The following TLR6 variants were observed in gnomAD, a reference collection of about 807,000 sequenced individuals.
TLR6 encodes the protein toll like receptor 6.
A neutral mutation model predicts 16.1 loss-of-function variants in TLR6; 9 were observed. That is an observed-to-expected ratio of 0.56 (90% confidence interval 0.34 to 0.98). The LOEUF (loss-of-function observed/expected upper bound fraction) is 0.98, where lower values mean the gene tolerates loss of function less well. TLR6 is among the 50% of genes least tolerant of loss of function. TLR6 has a pLI of 0.02. For missense variants in TLR6, 786 were observed against 921.0 expected (o/e 0.85, Z 1.90); for synonymous variants, 340 against 338.6 (o/e 1.00, Z -0.04).
At chr4:38,823,011 G>A (rs116376589), downstream of TLR6, among the ~76,000 whole-genome samples, 20 of 152,360 alleles carry the variant, frequency 1.3e-4, no homozygotes, top group African/African-American at 4.8e-4. Flanking sequence ...GCAGGGAAGA[G>A]AGAGAACTTG....
chr4:38,845,475 G>A (rs920075229), intron 1 of TLR6, among the ~76,000 whole-genome samples: 2 of 152,236 alleles, frequency 1.3e-5, no homozygotes, highest in African/African-American at 4.8e-5. Flanking sequence ...ATAATCACAA[G>A]CACCCTTAAA....
upstream of TLR6, among the ~76,000 whole-genome samples, chr4:38,858,904 A>AAAAG (rs139910450): frequency 2.7e-5 from 4 of 148,562 alleles, no homozygotes; most frequent in Admixed American, 2.7e-4. Flanking sequence ...AGAAAGAAAG[A>AAAAG]AAAGAAAGAA....
intron 1 of TLR6, among the ~76,000 whole-genome samples, chr4:38,851,143 C>T (rs1712756491): frequency 6.6e-6 from 1 of 152,140 alleles, no homozygotes; most frequent in Non-Finnish European, 1.5e-5. Flanking sequence ...ATGATTATCT[C>T]AATAGATGCA....
At chr4:38,843,602 G>A (rs1404686076) in intron 1 of TLR6, 5 of 152,200 alleles carry the variant, frequency 3.3e-5, no homozygotes, top group Non-Finnish European at 5.9e-5. Context: ...ATTGGAAATA[G>A]TAAAACAGGC....
chr4:38,853,346 T>C (rs1322110356), intron 1 of TLR6, among the ~76,000 whole-genome samples: 6 of 151,498 alleles, frequency 4.0e-5, no homozygotes, highest in African/African-American at 1.5e-4. Flanking sequence ...AACCTGCATG[T>C]TGTGCACATG....
the TLR6 span, among the ~76,000 whole-genome samples, chr4:38,865,710 GA>G: frequency 1.3e-5 from 2 of 152,200 alleles, no homozygotes; most frequent in Non-Finnish European, 2.9e-5. Flanking sequence ...TTTAGAGGTG[GA>G]AAAACTGAGT....
At chr4:38,830,989 T>C (rs1711544931) in intron 1 of TLR6, among the ~76,000 whole-genome samples, 1 of 147,560 alleles carries the variant, frequency 6.8e-6, no homozygotes, top group African/African-American at 2.5e-5. Flanking sequence ...TTAAAAAAAT[T>C]AGCCATGCAA....
chr4:38,858,790 AGG>A (rs1560274543), upstream of TLR6, among the ~76,000 whole-genome samples: 250 of 46,596 alleles, frequency 5.4e-3, 6 homozygotes, highest in East Asian at 0.075. Flanking sequence ...AGAGAGAGAG[AGG>A]GAGAGAGAGA....
chr4:38,863,944 T>G, the TLR6 span, among the ~76,000 whole-genome samples: 3 of 152,054 alleles, frequency 2.0e-5, no homozygotes, highest in Admixed American at 2.0e-4. Flanking sequence ...CTCCACTACC[T>G]CTATGGCCTC....
At chr4:38,844,841 G>A (rs1712448690) in intron 1 of TLR6, among the ~76,000 whole-genome samples, 1 of 152,102 alleles carries the variant, frequency 6.6e-6, no homozygotes, top group South Asian at 2.1e-4. Flanking sequence ...ATCTCCTGAG[G>A]TAAGGAGTTC....
intron 1 of TLR6, among the ~76,000 whole-genome samples, chr4:38,836,611 C>T (rs1010618487): frequency 6.6e-6 from 1 of 152,148 alleles, no homozygotes; most frequent in Non-Finnish European, 1.5e-5. Flanking sequence ...TTCCTCCTAA[C>T]TCATTCTACA....
intron 1 of TLR6, among the ~76,000 whole-genome samples, chr4:38,848,792 T>C (rs1291092266): frequency 6.6e-6 from 1 of 152,160 alleles, no homozygotes; most frequent in Non-Finnish European, 1.5e-5. Flanking sequence ...AAAGGCCAAA[T>C]CTATGTCTGA....
exon 2 of TLR6, chr4:38,827,558 T>G (rs759097145): frequency 6.2e-7 from 1 of 1,613,966 alleles, no homozygotes; most frequent in African/African-American, 1.3e-5. Flanking sequence ...AAACTGGAGG[T>G]TTCTTTGGAG....
At chr4:38,831,931 T>C (rs899085674) in intron 1 of TLR6, among the ~76,000 whole-genome samples, 2 of 152,248 alleles carry the variant, frequency 1.3e-5, no homozygotes, top group African/African-American at 4.8e-5. Flanking sequence ...GCAGCCACTA[T>C]GGAATGCAGT....
At chr4:38,862,495 G>A in the TLR6 span, among the ~76,000 whole-genome samples, 2 of 151,614 alleles carry the variant, frequency 1.3e-5, no homozygotes, top group Non-Finnish European at 2.9e-5. Flanking sequence ...TGGCCAGGCT[G>A]GTTTTGAATT....
intron 1 of TLR6, among the ~76,000 whole-genome samples, chr4:38,838,976 A>AGGAG: frequency 7.1e-6 from 1 of 141,804 alleles, no homozygotes; most frequent in African/African-American, 2.7e-5. Flanking sequence ...GGAGGAAGGA[A>AGGAG]AGAAAGGAGG....
chr4:38,838,345 A>C (rs1712043355), intron 1 of TLR6, among the ~76,000 whole-genome samples: 1 of 152,252 alleles, frequency 6.6e-6, no homozygotes, highest in South Asian at 2.1e-4. Flanking sequence ...GAATCAACTT[A>C]ACAGTCCATC....
chr4:38,827,846 T>C (rs943842627), exon 2 of TLR6: 1 of 1,614,156 alleles, frequency 6.2e-7, no homozygotes, highest in Non-Finnish European at 8.5e-7. Flanking sequence ...TTGGTCTATA[T>C]TTTTGACAAA....
intron 1 of TLR6, among the ~76,000 whole-genome samples, chr4:38,853,643 T>C (rs1712857769): frequency 6.6e-6 from 1 of 152,196 alleles, no homozygotes; most frequent in Non-Finnish European, 1.5e-5. Flanking sequence ...GAGACAGGGT[T>C]TTGTCCCACT....
Sources: gnomAD v4.1 joint callset for allele counts (sites outside exome capture counted in the v4.1 genomes callset) on GRCh38, gnomAD v4.1.1 for gene constraint, MANE v1.5 for transcripts, NCBI Gene and HGNC (gene_info 2026-07-23, HGNC 2026-07-21) for gene names.